DNAJC27: variants seen among roughly 807,000 people sequenced by gnomAD.
DNAJC27 encodes the protein dnaJ homolog subfamily C member 27.
In DNAJC27, 25 loss-of-function variants were observed where a neutral mutation model predicts 31.4. That is an observed-to-expected ratio of 0.80 (90% CI 0.58 to 1.11). The LOEUF is 1.11. DNAJC27 is among the 50% of genes most tolerant of loss of function. The pLI is 0.00. For synonymous variants in DNAJC27, 106 were observed against 112.7 expected (o/e 0.94, Z 0.37); for missense variants, 356 against 347.3 (o/e 1.02, Z -0.20).
chr2:24,952,288 A>C (rs1246044112), intron 5 of DNAJC27, among the ~76,000 whole-genome samples: 1 of 152,200 alleles, frequency 6.6e-6, no homozygotes. Context: ...ATTTACCATC[A>C]GTATGCCAGT....
chr2:24,963,534 T>A (rs1172666102), intron 2 of DNAJC27, 60 bp from the exon 3 acceptor site: 1 of 1,391,210 alleles, frequency 7.2e-7, no homozygotes, highest in Non-Finnish European at 1.0e-6. Context: ...TTTACCTTAA[T>A]ATCATTTATA....
At chr2:24,962,219 TTG>T (rs1491445661) in intron 3 of DNAJC27, among the ~76,000 whole-genome samples, 14,380 of 80,634 alleles carry the variant, frequency 0.18, 1,342 homozygotes, top group Admixed American at 0.32. Flanking sequence ...TTTTTTTCTT[TTG>T]TTTTTTTTTG....
chr2:24,949,732 T>C (rs146577798), intron 6 of DNAJC27, among the ~76,000 whole-genome samples: 64 of 152,284 alleles, frequency 4.2e-4, no homozygotes, highest in Middle Eastern at 3.4e-3. Context: ...AGTGAATACA[T>C]AAGGAGCCCT....
At chr2:24,958,997 A>G (rs911389555) in intron 3 of DNAJC27, among the ~76,000 whole-genome samples, 3 of 152,224 alleles carry the variant, frequency 2.0e-5, no homozygotes, top group Admixed American at 6.5e-5. Context: ...GCATAGGCAG[A>G]TATCTGGACC....
chr2:24,950,547 A>C (rs965271431), intron 6 of DNAJC27, among the ~76,000 whole-genome samples: 2 of 152,240 alleles, frequency 1.3e-5, no homozygotes, highest in African/African-American at 4.8e-5. Flanking sequence ...AATAATTAAC[A>C]TAAATACACA....
chr2:24,966,222 T>A (rs890847728), intron 2 of DNAJC27, among the ~76,000 whole-genome samples: 1 of 152,042 alleles, frequency 6.6e-6, no homozygotes, highest in African/African-American at 2.4e-5. Context: ...AGTCTGAGGG[T>A]AGCAGTTCAG....
chr2:24,947,565 G>C lies in DNAJC27; in HGVS notation c.*51C>G. ...CTCCACGTTGGTTATTTCACCTCTA[G>C]GGAAAGTCTGTTTGCATTTGAGTCC... On this transcript the variant is annotated 3_prime_UTR_variant, in exon 7 of 7. Transcript: ENST00000264711. The C allele has an allele frequency of 7.7e-6, 12 of 1,555,734 alleles. No individual in the cohort carries two copies. Among genetic ancestry groups the C allele is most frequent in the Non-Finnish European group, 1.1e-5 (12 of 1,141,234 alleles).
intron 5 of DNAJC27, 115 bp downstream of exon 5, chr2:24,956,928 G>C: frequency 7.9e-7 from 1 of 1,261,266 alleles, no homozygotes; most frequent in East Asian, 2.5e-5. Flanking sequence ...TCTTTGAAAA[G>C]AAAGAGCTTA....
Position 24,951,429 on chromosome 2 carries a change from A to G in DNAJC27, c.654T>C (p.Ser218=), listed in dbSNP as rs1218917211. Residue 218 remains serine (S), a synonymous_variant, in exon 6 of 7, where the codon AGT becomes AGC. Transcript: ENST00000264711. Reference sequence around the variant, plus strand: ...CAGGTTTGACTCCCAGCATGTCCCAACTGTCTTTACTATTTCGAATTCTGC... The same window carrying G: ...CAGGTTTGACTCCCAGCATGTCCCAGCTGTCTTTACTATTTCGAATTCTGC... ...AIRRIRNSKD[S]WDMLGVKPGA... is the part of the protein sequence containing the mutation. 21 of 1,613,132 alleles carry G rather than the reference A, an allele frequency of 1.3e-5. No individual in the cohort carries two copies. Among genetic ancestry groups the G allele is most frequent in the Non-Finnish European group, 1.7e-5 (20 of 1,179,592 alleles).
At chr2:24,949,346 G>T (rs946959611) in intron 6 of DNAJC27, among the ~76,000 whole-genome samples, 7 of 152,196 alleles carry the variant, frequency 4.6e-5, no homozygotes, top group African/African-American at 1.7e-4. Flanking sequence ...GGCCCTTCCA[G>T]CCACTCTGCC....
At chr2:24,957,196 A>G in intron 4 of DNAJC27, 31 bp from the exon 5 acceptor site, 1 of 1,564,404 alleles carries the variant, frequency 6.4e-7, no homozygotes, top group Non-Finnish European at 8.6e-7. Context: ...GACAGAGAGA[A>G]GATTACAATC....
Position 24,971,804 on chromosome 2 carries a change from C to G in DNAJC27, c.87+14G>C, listed in dbSNP as rs762251464. On this transcript the variant is annotated intron_variant, in intron 1 of 6. Coordinates refer to ENST00000264711, the MANE Select transcript of DNAJC27 (RefSeq NM_016544.3). Reference sequence around the variant, plus strand: ...CCACGCTGGGGCCCGCCCCTCCCGGCTCGCTGTACTCACTTTCCCCACTTC... The same window carrying G: ...CCACGCTGGGGCCCGCCCCTCCCGGGTCGCTGTACTCACTTTCCCCACTTC... The G allele has an allele frequency of 1.2e-5, 19 of 1,597,452 alleles. No homozygotes were observed. The highest frequency in any genetic ancestry group is 1.6e-5 in the Non-Finnish European group (19 of 1,173,532).
At chr2:24,971,996 T>A, upstream of DNAJC27, 1 of 923,256 alleles carries the variant, frequency 1.1e-6, no homozygotes, top group Non-Finnish European at 1.5e-6. Flanking sequence ...GCGGAGCCGC[T>A]GCTCTCGTCA....
chr2:24,951,400 GCCC>G lies in DNAJC27; in HGVS notation c.680_682del (p.Gly227del). 1.2e-6 allele frequency: 2 copies of G among 1,610,562 alleles called. No individual in the cohort carries two copies. The highest frequency in any genetic ancestry group is 1.7e-6 in the Non-Finnish European group (2 of 1,178,238). On this transcript the variant is annotated inframe_deletion, in exon 6 of 7. Transcript: ENST00000264711. ...AGTATCCCAGAGCGCTTACCTTGAG[GCCC>G]CAGGTTTGACTCCCAGCATGTCCCA...
intron 1 of DNAJC27, 181 bp downstream of exon 1, chr2:24,971,637 C>A (rs925670665): frequency 4.5e-5 from 23 of 512,144 alleles, no homozygotes; most frequent in Non-Finnish European, 6.9e-5. Context: ...GAGGGGGCAA[C>A]GGAAAGGTCA....
At chr2:24,970,208 A>G (rs1192470674) in intron 1 of DNAJC27, among the ~76,000 whole-genome samples, 2 of 152,194 alleles carry the variant, frequency 1.3e-5, no homozygotes, top group Non-Finnish European at 2.9e-5. Flanking sequence ...TTTGTGGGTA[A>G]TAATTTTGCT....
At chr2:24,952,647 C>T (rs945326175) in intron 5 of DNAJC27, among the ~76,000 whole-genome samples, 11 of 151,824 alleles carry the variant, frequency 7.2e-5, no homozygotes, top group African/African-American at 1.9e-4. Context: ...AGAGTATATG[C>T]GCATTTTAAT....
chr2:24,948,877 C>T (rs1031539055), intron 6 of DNAJC27, among the ~76,000 whole-genome samples: 1 of 152,198 alleles, frequency 6.6e-6, no homozygotes, highest in Non-Finnish European at 1.5e-5. Flanking sequence ...ATCCTATAAG[C>T]TATATGGTGC....
intron 1 of DNAJC27, among the ~76,000 whole-genome samples, chr2:24,967,570 G>A (rs1347994950): frequency 6.6e-6 from 1 of 152,056 alleles, no homozygotes; most frequent in East Asian, 1.9e-4. Flanking sequence ...CATGGTGGCA[G>A]GCATCTGTAA....
Sources: gnomAD v4.1 joint callset for allele counts (sites outside exome capture counted in the v4.1 genomes callset) on GRCh38, gnomAD v4.1.1 for gene constraint, MANE v1.5 for transcripts, NCBI Gene and HGNC (gene_info 2026-07-23, HGNC 2026-07-21) for gene names.